The following WDR27 variants were observed in gnomAD, a reference collection of about 807,000 sequenced individuals.
WDR27 encodes WD repeat-containing protein 27.
WDR27 carries 100 observed loss-of-function variants against 114.4 expected under a neutral mutation model. The observed-to-expected ratio is 0.87, with a 90% CI of 0.74 to 1.03. The LOEUF (loss-of-function observed/expected upper bound fraction) is 1.03, where lower values mean the gene tolerates loss of function less well. Among genes scored for constraint, WDR27 ranks in the 50% least tolerant of loss-of-function variants. The probability of loss-of-function intolerance (pLI) is 0.00; values close to 1 mark genes in which losing one functional copy is unlikely to be tolerated. For synonymous variants in WDR27, 449 were observed against 423.1 expected (o/e 1.06, Z -0.75); for missense variants, 1,129 against 1,092.9 (o/e 1.03, Z -0.47).
At chr6:169,605,548 T>C (rs1347967117) in intron 22 of WDR27, among the ~76,000 whole-genome samples, 2 of 151,120 alleles carry the variant, frequency 1.3e-5, no homozygotes, top group African/African-American at 4.9e-5. Context: ...AAGCAATCCA[T>C]AGGTACAATG....
At position 169,591,914 on chromosome 6, in the gene WDR27, C is replaced by T. The variant is rs139746759; in HGVS notation, c.2425-8980G>A. ...ATCTTGTAAGTCTTCTGCCACAGAC[C>T]TGGAACCAGCTCTCCACCCAGGGAG... On this transcript the variant is annotated intron_variant, in intron 23 of 25. Coordinates refer to ENST00000448612, the MANE Select transcript of WDR27 (RefSeq NM_182552.5). Among the ~76,000 whole-genome samples, 701 of 151,370 alleles carry T rather than the reference C, an allele frequency of 4.6e-3. 4 individuals are homozygous for T. Among genetic ancestry groups the T allele is most frequent in the Middle Eastern group, 0.041 (12 of 292 alleles).
intron 25 of WDR27, among the ~76,000 whole-genome samples, chr6:169,481,509 T>G (rs1219721980): frequency 1.3e-5 from 2 of 152,192 alleles, no homozygotes; most frequent in Non-Finnish European, 2.9e-5. Context: ...ATCTTGCTGC[T>G]GCTCACTCTT....
chr6:169,668,234 T>C, intron 4 of WDR27, 49 bp from the exon 5 acceptor site: 1 of 1,595,080 alleles, frequency 6.3e-7, no homozygotes, highest in African/African-American at 1.3e-5. Context: ...TGGAATTCTC[T>C]GTATATAAAC....
chr6:169,661,927 TAAATA>T (rs1420369303), intron 9 of WDR27, among the ~76,000 whole-genome samples: 5 of 152,212 alleles, frequency 3.3e-5, no homozygotes, highest in African/African-American at 1.2e-4. Flanking sequence ...AGCACAGAAA[TAAATA>T]AAATTAGTCT....
intron 23 of WDR27, among the ~76,000 whole-genome samples, chr6:169,590,399 G>T (rs1245190266): frequency 6.6e-6 from 1 of 152,182 alleles, no homozygotes; most frequent in East Asian, 1.9e-4. Context: ...TGAATATTCT[G>T]CACATTTCTT....
chr6:169,436,958 A>G, the WDR27 span, among the ~76,000 whole-genome samples: 1 of 152,152 alleles, frequency 6.6e-6, no homozygotes, highest in Non-Finnish European at 1.5e-5. Flanking sequence ...GGTATTTACT[A>G]AAAATTAAAG....
chr6:169,592,803 G>A (rs1347586570), intron 23 of WDR27, among the ~76,000 whole-genome samples: 1 of 152,134 alleles, frequency 6.6e-6, no homozygotes, highest in Admixed American at 6.5e-5. Context: ...TCAGCTTTTG[G>A]GCTGAGATAA....
At chr6:169,461,268 C>A (rs546704491) in intron 25 of WDR27, among the ~76,000 whole-genome samples, 7 of 151,962 alleles carry the variant, frequency 4.6e-5, no homozygotes, top group Non-Finnish European at 8.8e-5. Context: ...CATGATAAAC[C>A]AAGTAGATCT....
At position 169,684,212 on chromosome 6, in the gene WDR27, G is replaced by T. The variant is rs1229601189; in HGVS notation, c.189+4605C>A. ...TCCTGCCAAGGACAAACCTGCCCTT[G>T]ATTTAGCCAAACCATTGCACACCCT... is the stretch of plus-strand genomic sequence containing the variant. On this transcript the variant is annotated intron_variant, in intron 2 of 25. Transcript: ENST00000448612. The surrounding 1 kb of genome is among the most constrained non-coding windows in gnomAD (Gnocchi z 4.3). Among the ~76,000 whole-genome samples the T allele has an allele frequency of 1.3e-5, 2 of 152,104 alleles. No homozygotes were observed. Among genetic ancestry groups the T allele is most frequent in the East Asian group, 1.9e-4 (1 of 5,180 alleles).
intron 1 of WDR27, among the ~76,000 whole-genome samples, chr6:169,698,687 T>G (rs1786951023): frequency 6.6e-6 from 1 of 152,246 alleles, no homozygotes; most frequent in African/African-American, 2.4e-5. Context: ...CACCAATTTC[T>G]GGTCTGGAAA....
chr6:169,614,565 G>A (rs1316773776), intron 21 of WDR27, among the ~76,000 whole-genome samples: 3 of 151,976 alleles, frequency 2.0e-5, no homozygotes, highest in African/African-American at 4.8e-5. Context: ...GTGTGTGCCT[G>A]TAATCCCAGC....
the WDR27 span, among the ~76,000 whole-genome samples, chr6:169,427,729 G>C: frequency 2.7e-5 from 4 of 149,768 alleles, no homozygotes; most frequent in Admixed American, 2.7e-4. Context: ...AAACAAGGGT[G>C]TCAAAAATGA....
At chr6:169,607,393 T>TACACACACACACACACAC (rs199658563) in intron 22 of WDR27, among the ~76,000 whole-genome samples, 27 of 99,376 alleles carry the variant, frequency 2.7e-4, no homozygotes, top group African/African-American at 8.1e-4. Context: ...TGTGTGTGTA[T>TACACACACACACACACAC]ACACACACAC....
intron 21 of WDR27, among the ~76,000 whole-genome samples, chr6:169,616,649 G>A (rs1354592683): frequency 1.3e-5 from 2 of 151,986 alleles, no homozygotes; most frequent in African/African-American, 4.8e-5. Context: ...GAATATCTGG[G>A]CAAACATGTA....
chr6:169,570,816 C>A (rs969205426), intron 25 of WDR27, among the ~76,000 whole-genome samples: 2 of 151,938 alleles, frequency 1.3e-5, no homozygotes, highest in Admixed American at 6.6e-5. Context: ...GCCACAAGAG[C>A]GAAATTCCGT....
intron 25 of WDR27, among the ~76,000 whole-genome samples, chr6:169,537,040 T>A (rs1432892072): frequency 1.3e-5 from 2 of 152,212 alleles, no homozygotes; most frequent in Non-Finnish European, 2.9e-5. Context: ...AAGGGCTCTT[T>A]TCATAGCAAA....
At chr6:169,563,854 A>G (rs546849970) in intron 25 of WDR27, among the ~76,000 whole-genome samples, 1 of 152,356 alleles carries the variant, frequency 6.6e-6, no homozygotes, top group African/African-American at 2.4e-5. Context: ...AGCAGCTCAG[A>G]GGCGCTAAAA....
chr6:169,520,609 G>A (rs1481961048), intron 25 of WDR27, among the ~76,000 whole-genome samples: 1 of 152,064 alleles, frequency 6.6e-6, no homozygotes, highest in African/African-American at 2.4e-5. Context: ...CACCAAGAAT[G>A]CAAAGTAGCA....
At chr6:169,538,703 TACACACACACACAC>T (rs10644528) in intron 25 of WDR27, among the ~76,000 whole-genome samples, 6 of 143,856 alleles carry the variant, frequency 4.2e-5, no homozygotes, top group South Asian at 2.2e-4. Flanking sequence ...CATACTGGAA[TACACACACACACAC>T]ACACACACAC....
Sources: allele counts gnomAD v4.1 joint callset (sites outside exome capture counted in the v4.1 genomes callset), GRCh38; gene constraint gnomAD v4.1.1; non-coding constraint Gnocchi (gnomAD v3.1); transcripts MANE v1.5; gene names NCBI Gene and HGNC (gene_info 2026-07-23, HGNC 2026-07-21).